Variants in CCDC192 observed in about 807,000 individuals in gnomAD.
CCDC192 encodes coiled-coil domain-containing protein 192.
rs1459839513 is a variant in CCDC192 at position 127,747,295 on chromosome 5, C to T, written c.115-6973C>T. Among the ~76,000 whole-genome samples the T allele has an allele frequency of 2.6e-5, 4 of 151,920 alleles. No individual in the cohort carries two copies. The East Asian group carries it at 7.8e-4, about 30-fold the overall frequency. On this transcript the variant is annotated intron_variant, in intron 2 of 6. Coordinates refer to ENST00000514853, the MANE Select transcript of CCDC192 (RefSeq NM_001317938.2). ...CAACAGTCCCCAGAGTGTGATGTTC[C>T]CCTTCCTGTGTCCATGTGATCTCAT...
At chr5:127,791,443 A>G (rs933188588) in intron 3 of CCDC192, among the ~76,000 whole-genome samples, 2 of 152,220 alleles carry the variant, frequency 1.3e-5, no homozygotes, top group African/African-American at 4.8e-5. Context: ...AGTTCTAGGA[A>G]CTGGTCCTGT....
At chr5:127,876,255 CA>C (rs10718598) in intron 6 of CCDC192, among the ~76,000 whole-genome samples, 98,698 of 151,516 alleles carry the variant, frequency 0.65, 32,159 homozygotes, top group Non-Finnish European at 0.68. Flanking sequence ...AAACAACAAA[CA>C]AAAAAACTCC....
At chr5:127,878,482 G>C (rs1379400519) in intron 6 of CCDC192, among the ~76,000 whole-genome samples, 4 of 152,174 alleles carry the variant, frequency 2.6e-5, no homozygotes, top group Non-Finnish European at 5.9e-5. Context: ...TACTGGAAAG[G>C]AGTGATAGGC....
intron 2 of CCDC192, among the ~76,000 whole-genome samples, chr5:127,716,036 G>A (rs941046036): frequency 1.3e-5 from 2 of 152,078 alleles, no homozygotes; most frequent in Admixed American, 1.3e-4. Flanking sequence ...GTCATATATG[G>A]TCTTTATTGT....
At chr5:127,770,838 A>G (rs1755509267) in intron 3 of CCDC192, among the ~76,000 whole-genome samples, 1 of 152,180 alleles carries the variant, frequency 6.6e-6, no homozygotes, top group Non-Finnish European at 1.5e-5. Context: ...CATATTATGT[A>G]TAGGTATAAG....
chr5:127,789,465 C>T (rs1756743455), intron 3 of CCDC192, among the ~76,000 whole-genome samples: 1 of 152,194 alleles, frequency 6.6e-6, no homozygotes, highest in African/African-American at 2.4e-5. Context: ...TGGCAAAGAA[C>T]CTGGCTAAAT....
rs184034546 is a variant in CCDC192 at position 127,910,964 on chromosome 5, T to C, written c.536-30218T>C. Reference sequence around the variant, plus strand: ...ATTTTATTAGACATAAAAAAAAAACTTCCTCTGAATGACTTATATTAACCA... The same window carrying C: ...ATTTTATTAGACATAAAAAAAAAACCTCCTCTGAATGACTTATATTAACCA... On this transcript the variant is annotated intron_variant, in intron 6 of 6. Transcript: ENST00000514853. Among the ~76,000 whole-genome samples, 47 of 152,110 alleles carry C rather than the reference T, an allele frequency of 3.1e-4. No homozygotes were observed. The East Asian group carries it at 8.9e-3, about 29-fold the overall frequency.
chr5:127,845,817 C>T (rs1298757678), intron 5 of CCDC192, among the ~76,000 whole-genome samples: 1 of 152,070 alleles, frequency 6.6e-6, no homozygotes, highest in South Asian at 2.1e-4. Context: ...TATTAATGGT[C>T]CCTCACTGTA....
At chr5:127,915,349 C>G (rs1206019453) in intron 6 of CCDC192, among the ~76,000 whole-genome samples, 2 of 152,226 alleles carry the variant, frequency 1.3e-5, no homozygotes, top group African/African-American at 4.8e-5. Flanking sequence ...CAGCCCAGGA[C>G]AGTTCTGAAT....
intron 6 of CCDC192, among the ~76,000 whole-genome samples, chr5:127,897,248 T>C (rs980516834): frequency 2.0e-5 from 3 of 152,052 alleles, no homozygotes; most frequent in Admixed American, 1.3e-4. Flanking sequence ...AAGGCAATTT[T>C]AAAGTGAAAA....
At chr5:127,761,907 C>G (rs958554705) in intron 3 of CCDC192, among the ~76,000 whole-genome samples, 4 of 152,150 alleles carry the variant, frequency 2.6e-5, no homozygotes, top group Non-Finnish European at 5.9e-5. Context: ...CCCATTATTT[C>G]TCTCTTAGTA....
intron 2 of CCDC192, among the ~76,000 whole-genome samples, chr5:127,734,922 T>C (rs1351023139): frequency 6.6e-6 from 1 of 150,724 alleles, no homozygotes; most frequent in African/African-American, 2.4e-5. Flanking sequence ...GCAGAAGCTC[T>C]TTAGTTTAAT....
At chr5:127,829,927 C>G (rs913283227) in intron 5 of CCDC192, among the ~76,000 whole-genome samples, 4 of 152,034 alleles carry the variant, frequency 2.6e-5, no homozygotes, top group Admixed American at 1.3e-4. Context: ...AAAATGTACT[C>G]TATTTTTTAG....
chr5:127,752,818 C>T (rs790841), intron 2 of CCDC192, among the ~76,000 whole-genome samples: 118,395 of 152,102 alleles, frequency 0.78, 46,222 homozygotes, highest in East Asian at 0.9. Flanking sequence ...TCTCGTGGTG[C>T]GCCGTTTTTT....
intron 5 of CCDC192, among the ~76,000 whole-genome samples, chr5:127,807,242 G>T (rs761592179): frequency 6.6e-6 from 1 of 152,126 alleles, no homozygotes; most frequent in Non-Finnish European, 1.5e-5. Flanking sequence ...TGAGATTATA[G>T]TTTATAATTC....
chr5:127,865,661 A>G (rs1271642146), intron 5 of CCDC192, among the ~76,000 whole-genome samples: 1 of 149,712 alleles, frequency 6.7e-6, no homozygotes, highest in Admixed American at 6.7e-5. Flanking sequence ...ATACTAGATC[A>G]GATATCTTCA....
chr5:127,736,719 A>G (rs1461506923), intron 2 of CCDC192, among the ~76,000 whole-genome samples: 2 of 150,822 alleles, frequency 1.3e-5, no homozygotes, highest in Non-Finnish European at 2.9e-5. Context: ...ATTTGCATAG[A>G]GGTGTTTGTA....
At chr5:127,804,888 C>T (rs1757698601) in intron 5 of CCDC192, among the ~76,000 whole-genome samples, 2 of 152,204 alleles carry the variant, frequency 1.3e-5, no homozygotes, top group South Asian at 4.1e-4. Flanking sequence ...CCCTTACTTT[C>T]TGACCAGGAC....
chr5:127,727,069 C>T (rs790831), intron 2 of CCDC192, among the ~76,000 whole-genome samples: 47,505 of 152,056 alleles, frequency 0.31, 8,276 homozygotes, highest in Middle Eastern at 0.42. Flanking sequence ...TGCTGTTCTG[C>T]AGCCTCCTCT....
Sources: allele counts gnomAD v4.1 joint callset (sites outside exome capture counted in the v4.1 genomes callset), GRCh38; gene constraint gnomAD v4.1.1; transcripts MANE v1.5; gene names NCBI Gene and HGNC (gene_info 2026-07-23, HGNC 2026-07-21).